Variants in DSCAML1 observed in about 807,000 individuals in gnomAD.
The protein encoded by DSCAML1 is cell adhesion molecule DSCAML1.
A neutral mutation model predicts 200.5 loss-of-function variants in DSCAML1; 38 were observed. The ratio of observed to expected loss-of-function variants is 0.19; its 90% CI spans 0.15 to 0.25. The LOEUF (loss-of-function observed/expected upper bound fraction) is 0.25, where lower values mean the gene tolerates loss of function less well. Among genes scored for constraint, DSCAML1 ranks in the 10% least tolerant of loss-of-function variants. The probability of loss-of-function intolerance (pLI) is 1.00; values close to 1 mark genes in which losing one functional copy is unlikely to be tolerated. For missense variants in DSCAML1, 2,223 were observed against 2,858.8 expected (o/e 0.78, Z 5.07); for synonymous variants, 1,215 against 1,165.0 (o/e 1.04, Z -0.87).
At chr11:117,456,511 TC>T (rs977093030) in intron 19 of DSCAML1, among the ~76,000 whole-genome samples, 2 of 152,108 alleles carry the variant, frequency 1.3e-5, no homozygotes, top group African/African-American at 4.8e-5. Context: ...CTCAGTTTTC[TC>T]CCCTGTAACA....
chr11:117,456,124 T>G (rs2048363850), intron 19 of DSCAML1, among the ~76,000 whole-genome samples: 2 of 152,202 alleles, frequency 1.3e-5, no homozygotes, highest in African/African-American at 4.8e-5. Flanking sequence ...AAAGTTACTT[T>G]GACTCCCAAG....
intron 14 of DSCAML1, among the ~76,000 whole-genome samples, chr11:117,477,348 A>AAG (rs1295206993): frequency 2.0e-4 from 16 of 81,018 alleles, no homozygotes; most frequent in Admixed American, 6.8e-4. Context: ...ATGGTTCTGA[A>AAG]AGTGTGTGTG....
At chr11:117,761,876 G>C (rs529700774) in intron 3 of DSCAML1, among the ~76,000 whole-genome samples, 2 of 152,296 alleles carry the variant, frequency 1.3e-5, no homozygotes, top group Admixed American at 1.3e-4. Context: ...GTCTATAAAA[G>C]AGAAAACACA....
chr11:117,775,804 C>T (rs991328216), intron 3 of DSCAML1, among the ~76,000 whole-genome samples: 1 of 152,028 alleles, frequency 6.6e-6, no homozygotes, highest in African/African-American at 2.4e-5. Context: ...GGCTTAAGAA[C>T]CCCTGCTTTA....
intron 4 of DSCAML1, among the ~76,000 whole-genome samples, chr11:117,525,340 G>T (rs927132875): frequency 6.6e-6 from 1 of 152,168 alleles, no homozygotes; most frequent in Non-Finnish European, 1.5e-5. Flanking sequence ...GATGGAGTTC[G>T]GGACTAGAGT....
Position 117,797,123 on chromosome 11 carries a change from G to T in DSCAML1, c.-44C>A. 2 of 1,590,360 alleles carry T rather than the reference G, an allele frequency of 1.3e-6. No individual in the cohort carries two copies. Among genetic ancestry groups the T allele is most frequent in the Non-Finnish European group, 1.7e-6 (2 of 1,169,334 alleles). ...TCTCCGGGGAGGTGGTCCTGTGGCC[G>T]GCCGTGCGGCAGCGCCTCTCCCCCG... On this transcript the variant is annotated 5_prime_UTR_variant, in exon 1 of 33. Transcript: ENST00000651296.
chr11:117,668,102 C>G (rs2137662990), intron 3 of DSCAML1, among the ~76,000 whole-genome samples: 1 of 152,274 alleles, frequency 6.6e-6, no homozygotes, highest in East Asian at 1.9e-4. Context: ...TTCCCATTTT[C>G]TTTCATTTTT....
intron 3 of DSCAML1, among the ~76,000 whole-genome samples, chr11:117,677,762 C>A (rs1213217205): frequency 6.6e-6 from 1 of 152,178 alleles, no homozygotes. Flanking sequence ...CATTTATTAA[C>A]CCCATTTTAC....
intron 29 of DSCAML1, 86 bp from the exon 30 acceptor site, chr11:117,432,590 T>C (rs1293775737): frequency 1.4e-6 from 2 of 1,428,440 alleles, no homozygotes; most frequent in Non-Finnish European, 1.9e-6. Context: ...TCTTTGTCTT[T>C]ATCCAATGTG....
rs2055225822 is a variant in DSCAML1 at position 117,780,294 on chromosome 11, AAGAAAGAAAGAG to A, written c.364+187_364+198del. ...AAAGAAAGAAAGAAAGAAAGAAAGA[AAGAAAGAAAGAG>A]AGAAAGGAGAAAGAAAGGTGTCTCT... is the stretch of plus-strand genomic sequence containing the variant. On this transcript the variant is annotated intron_variant, in intron 2 of 32. Transcript: ENST00000651296. The surrounding 1 kb of genome is among the most constrained non-coding windows in gnomAD (Gnocchi z 4.8). Among the ~76,000 whole-genome samples, 7 of 106,720 alleles carry A rather than the reference AAGAAAGAAAGAG, an allele frequency of 6.6e-5. No individual in the cohort carries two copies. Among genetic ancestry groups the A allele is most frequent in the South Asian group, 3.4e-4 (1 of 2,946 alleles). The allele number at this position is 106,720 out of a possible 152,430, so 70.0% of individuals were successfully genotyped here.
intron 3 of DSCAML1, among the ~76,000 whole-genome samples, chr11:117,737,298 T>G (rs1195415156): frequency 1.3e-5 from 2 of 152,224 alleles, no homozygotes; most frequent in Non-Finnish European, 2.9e-5. Context: ...TTTTCAGGAT[T>G]TAAAGTCTGA....
intron 1 of DSCAML1, among the ~76,000 whole-genome samples, chr11:117,807,886 G>A (rs573773143): frequency 6.8e-4 from 103 of 152,270 alleles, no homozygotes; most frequent in Non-Finnish European, 1.2e-3. Context: ...CAAAGGCGTG[G>A]TCTCGGCTCA....
At chr11:117,655,580 C>T (rs1354751639) in intron 3 of DSCAML1, among the ~76,000 whole-genome samples, 1 of 152,202 alleles carries the variant, frequency 6.6e-6, no homozygotes, top group Non-Finnish European at 1.5e-5. Context: ...CCCTTCAGGC[C>T]TTCCATCAGG....
rs192830903 is a variant in DSCAML1 at position 117,595,566 on chromosome 11, A to C, written c.512-63044T>G. Among the ~76,000 whole-genome samples the C allele has an allele frequency of 4.7e-4, 71 of 152,338 alleles. 1 individual carries two copies. The highest frequency in any genetic ancestry group is 1.6e-3 in the African/African-American group (68 of 41,584). On this transcript the variant is annotated intron_variant, in intron 3 of 32. Transcript: ENST00000651296. ...TCCCCTCTGTGGATAGGCTGTGATAAAAATGGCAGGGATAACAGAACAGGA... is the reference window on the plus strand; with the variant it reads ...TCCCCTCTGTGGATAGGCTGTGATACAAATGGCAGGGATAACAGAACAGGA...
chr11:117,756,415 G>A lies in DSCAML1; in HGVS notation c.511+20376C>T, dbSNP rs183292594. Among the ~76,000 whole-genome samples, 13 of 152,298 alleles carry A rather than the reference G, an allele frequency of 8.5e-5. No homozygotes were observed. The East Asian group carries it at 2.5e-3, about 29-fold the overall frequency. Reference sequence around the variant, plus strand: ...AGAGCAGAGATAGAGAAGCATCCGTGAAACTCAGAGCAAGGAAGCAGAATT... The same window carrying A: ...AGAGCAGAGATAGAGAAGCATCCGTAAAACTCAGAGCAAGGAAGCAGAATT... On this transcript the variant is annotated intron_variant, in intron 3 of 32. Coordinates refer to ENST00000651296, the MANE Select transcript of DSCAML1 (RefSeq NM_020693.4).
chr11:117,715,349 C>T (rs914409748), intron 3 of DSCAML1, among the ~76,000 whole-genome samples: 2 of 152,190 alleles, frequency 1.3e-5, no homozygotes, highest in Non-Finnish European at 2.9e-5. Context: ...AAAACGGAGC[C>T]TCCTGGCTTC....
intron 3 of DSCAML1, among the ~76,000 whole-genome samples, chr11:117,757,297 T>C (rs2054710074): frequency 6.6e-6 from 1 of 152,156 alleles, no homozygotes. Flanking sequence ...AGAAATCATC[T>C]CTAATCTCAC....
chr11:117,556,570 G>C (rs1245670857), intron 3 of DSCAML1, among the ~76,000 whole-genome samples: 2 of 152,164 alleles, frequency 1.3e-5, no homozygotes, highest in African/African-American at 4.8e-5. Flanking sequence ...AGGCAGAGGG[G>C]TGGTGGAAAA....
intron 3 of DSCAML1, among the ~76,000 whole-genome samples, chr11:117,649,596 C>T (rs1183159310): frequency 6.6e-6 from 1 of 152,162 alleles, no homozygotes; most frequent in African/African-American, 2.4e-5. Flanking sequence ...GTGACCCCAC[C>T]ACTCTTCTTC....
Sources: allele counts gnomAD v4.1 joint callset (sites outside exome capture counted in the v4.1 genomes callset), GRCh38; gene constraint gnomAD v4.1.1; non-coding constraint Gnocchi (gnomAD v3.1); transcripts MANE v1.5; gene names NCBI Gene and HGNC (gene_info 2026-07-23, HGNC 2026-07-21).